Variants in MED12L observed in about 807,000 individuals in gnomAD.
The protein encoded by MED12L is mediator of RNA polymerase II transcription subunit 12-like protein.
In MED12L, 60 loss-of-function variants were observed where a neutral mutation model predicts 281.3. That is an observed-to-expected ratio of 0.21 (90% CI 0.17 to 0.26). MED12L has a LOEUF of 0.26. Ranked by LOEUF, MED12L falls within the 10% of genes least tolerant of loss-of-function variation. The pLI is 1.00. For missense variants in MED12L, 2,146 were observed against 2,680.9 expected (o/e 0.80, Z 4.41); for synonymous variants, 974 against 987.2 (o/e 0.99, Z 0.25).
At chr3:151,148,215 T>G (rs1449525177) in intron 5 of MED12L, among the ~76,000 whole-genome samples, 1 of 152,222 alleles carries the variant, frequency 6.6e-6, no homozygotes, top group Non-Finnish European at 1.5e-5. Context: ...TGTCTTTTTA[T>G]TATTGAGTTT....
chr3:151,328,690 T>C (rs1176114027), intron 16 of MED12L: 7 of 1,613,932 alleles, frequency 4.3e-6, no homozygotes, highest in Non-Finnish European at 5.9e-6. Flanking sequence ...TCTCATAAAA[T>C]ATCACCGAAG....
At chr3:151,365,749 C>G in intron 22 of MED12L, 101 bp from the exon 23 acceptor site, 1 of 1,066,342 alleles carries the variant, frequency 9.4e-7, no homozygotes, top group Non-Finnish European at 1.3e-6. Context: ...AAGAAAATGA[C>G]TTGTTTGATG....
chr3:151,390,902 A>C (rs991509563), intron 38 of MED12L, among the ~76,000 whole-genome samples: 8 of 152,218 alleles, frequency 5.3e-5, no homozygotes, highest in Admixed American at 3.3e-4. Context: ...TTAATGGTTA[A>C]AGGAACTGGT....
chr3:151,170,131 C>T (rs527793414), intron 11 of MED12L, among the ~76,000 whole-genome samples: 6 of 152,228 alleles, frequency 3.9e-5, no homozygotes, highest in East Asian at 3.9e-4. Context: ...TGAAGGCATC[C>T]GAGGCCTGGG....
chr3:151,237,551 A>G (rs1331043476), intron 16 of MED12L, among the ~76,000 whole-genome samples: 2 of 145,218 alleles, frequency 1.4e-5, no homozygotes, highest in African/African-American at 5.1e-5. Context: ...GGGTTTCACC[A>G]TGTTGGCCAG....
intron 39 of MED12L, among the ~76,000 whole-genome samples, chr3:151,404,720 T>C (rs1002645615): frequency 6.6e-6 from 1 of 152,232 alleles, no homozygotes; most frequent in African/African-American, 2.4e-5. Flanking sequence ...TTTATAGATA[T>C]AACTTGTCTC....
At chr3:151,234,344 G>A (rs560317470) in intron 16 of MED12L, among the ~76,000 whole-genome samples, 1 of 152,336 alleles carries the variant, frequency 6.6e-6, no homozygotes, top group African/African-American at 2.4e-5. Flanking sequence ...ACAAAGCCTA[G>A]AGAGCTTGAA....
chr3:151,384,044 G>A, intron 34 of MED12L, 39 bp from the exon 35 acceptor site: 1 of 1,587,348 alleles, frequency 6.3e-7, no homozygotes, highest in Non-Finnish European at 8.6e-7. Context: ...GTGTATTTCA[G>A]TTTCACTTTA....
chr3:151,322,010 C>G lies in MED12L; in HGVS notation c.2251-28049C>G, dbSNP rs1056957992. Among the ~76,000 whole-genome samples the G allele has an allele frequency of 3.9e-5, 6 of 152,162 alleles. No homozygotes were observed. The East Asian group carries it at 1.2e-3, about 29-fold the overall frequency. On this transcript the variant is annotated intron_variant, in intron 16 of 44. Coordinates refer to ENST00000687756, the MANE Select transcript of MED12L (RefSeq NM_001393769.1). Reference sequence around the variant, plus strand: ...AAATATTGATACACCCAGTTTCTGACCAAGGCTGAGTTCTCTGGCCTGTGT... The same window carrying G: ...AAATATTGATACACCCAGTTTCTGAGCAAGGCTGAGTTCTCTGGCCTGTGT...
chr3:151,131,176 T>A (rs879797072), intron 5 of MED12L, among the ~76,000 whole-genome samples: 4 of 152,084 alleles, frequency 2.6e-5, no homozygotes, highest in East Asian at 3.8e-4. Flanking sequence ...TAATATATAT[T>A]TTTTTGGTAA....
chr3:151,392,928 G>A (rs982202841), intron 38 of MED12L, among the ~76,000 whole-genome samples: 6 of 152,166 alleles, frequency 3.9e-5, no homozygotes, highest in African/African-American at 1.4e-4. Flanking sequence ...TCCCTTTTCT[G>A]TAAATGAGTC....
chr3:151,146,964 G>A (rs1717838041), intron 5 of MED12L, among the ~76,000 whole-genome samples: 1 of 152,184 alleles, frequency 6.6e-6, no homozygotes, highest in Non-Finnish European at 1.5e-5. Flanking sequence ...ATTTATCCAG[G>A]CAGCCAATCA....
intron 16 of MED12L, among the ~76,000 whole-genome samples, chr3:151,320,208 A>C (rs1349610129): frequency 6.6e-6 from 1 of 152,142 alleles, no homozygotes; most frequent in Admixed American, 6.6e-5. Context: ...TTTCTGTATC[A>C]CTAATCTCAG....
intron 16 of MED12L, among the ~76,000 whole-genome samples, chr3:151,196,931 G>C (rs1559865252): frequency 6.6e-6 from 1 of 152,150 alleles, no homozygotes; most frequent in East Asian, 1.9e-4. Flanking sequence ...CTTAATCATT[G>C]CAGCTAATGC....
chr3:151,158,556 A>T (rs1468823888), intron 6 of MED12L, 133 bp from the exon 7 acceptor site: 2 of 577,858 alleles, frequency 3.5e-6, no homozygotes, highest in Non-Finnish European at 6.1e-6. Context: ...TAGAATTTGG[A>T]CTGTGAGCAA....
At chr3:151,178,664 A>C (rs374157647) in intron 11 of MED12L, among the ~76,000 whole-genome samples, 1 of 152,180 alleles carries the variant, frequency 6.6e-6, no homozygotes, top group Non-Finnish European at 1.5e-5. Flanking sequence ...TGCTATCTCT[A>C]TGCCTTGCAG....
Position 151,355,200 on chromosome 3 carries a change from G to A in MED12L, c.2478G>A (p.Gln826=). ...TGGAGACTGTGTTCACTAAACTCCA[G>A]CTCCTTTCATATTTTGATCAACATC... is the stretch of plus-strand genomic sequence containing the variant. ...PTLETVFTKL[Q]LLSYFDQHQV... Residue 826 remains glutamine, a synonymous_variant, in exon 18 of 45, where the codon CAG becomes CAA. Transcript: ENST00000687756. 1 of 1,613,744 alleles carries A rather than the reference G, an allele frequency of 6.2e-7. No individual in the cohort carries two copies. The highest frequency in any genetic ancestry group is 8.5e-7 in the Non-Finnish European group (1 of 1,179,792).
At chr3:151,288,837 T>C (rs1387589126) in intron 16 of MED12L, among the ~76,000 whole-genome samples, 1 of 152,088 alleles carries the variant, frequency 6.6e-6, no homozygotes. Context: ...TCAAACTTAA[T>C]TGATAGCTCT....
intron 44 of MED12L, 45 bp downstream of exon 44, chr3:151,430,425 T>C: frequency 6.2e-7 from 1 of 1,607,962 alleles, no homozygotes; most frequent in South Asian, 1.1e-5. Context: ...CCCGGAAAAT[T>C]AAAAATAAGC....
Sources: allele counts gnomAD v4.1 joint callset (sites outside exome capture counted in the v4.1 genomes callset), GRCh38; gene constraint gnomAD v4.1.1; transcripts MANE v1.5; gene names NCBI Gene and HGNC (gene_info 2026-07-23, HGNC 2026-07-21).